Variants in CRISPLD1 observed in about 807,000 individuals in gnomAD.
CRISPLD1 encodes the protein cysteine-rich secretory protein LCCL domain-containing 1.
CRISPLD1 carries 60 observed loss-of-function variants against 77.5 expected under a neutral mutation model. That is an observed-to-expected ratio of 0.77 (90% CI 0.63 to 0.96). The LOEUF is 0.96. Ranked by LOEUF, CRISPLD1 falls within the 40% of genes least tolerant of loss-of-function variation. The pLI is 0.00. For synonymous variants in CRISPLD1, 195 were observed against 200.1 expected (o/e 0.97, Z 0.22); for missense variants, 623 against 615.8 (o/e 1.01, Z -0.12).
At chr8:74,990,613 T>TA in intron 2 of CRISPLD1, among the ~76,000 whole-genome samples, 1 of 151,854 alleles carries the variant, frequency 6.6e-6, no homozygotes, top group Middle Eastern at 3.4e-3. Context: ...CATTGGACCA[T>TA]TCCATGTACT....
rs528276870 is a variant in CRISPLD1, at chr8:74,996,417, A to G, written c.258+10172A>G. 3.3e-5 allele frequency among the ~76,000 whole-genome samples: 5 copies of G among 152,268 alleles called. No individual in the cohort carries two copies. In the East Asian group the frequency reaches 9.7e-4, roughly 29 times the overall value. On this transcript the variant is annotated intron_variant, in intron 2 of 14. Coordinates refer to ENST00000262207, the MANE Select transcript of CRISPLD1 (RefSeq NM_031461.6). ...TGCTGAGGAATGCATTAGTGTATAA[A>G]AAGTTTGAAAAGTTAATGAAAATAA...
chr8:75,018,446 A>G (rs2128786627), intron 10 of CRISPLD1, among the ~76,000 whole-genome samples: 1 of 152,066 alleles, frequency 6.6e-6, no homozygotes, highest in East Asian at 1.9e-4. Context: ...GCGTGCCACC[A>G]TGCCCAGCTA....
intron 6 of CRISPLD1, among the ~76,000 whole-genome samples, chr8:75,016,324 C>G (rs1047216929): frequency 2.6e-5 from 4 of 152,160 alleles, no homozygotes; most frequent in African/African-American, 9.6e-5. Context: ...TTAGAAGTGG[C>G]TTCATTGAAT....
At chr8:75,023,403 GAAACCCC>G (rs1813174449) in intron 12 of CRISPLD1, among the ~76,000 whole-genome samples, 1 of 152,172 alleles carries the variant, frequency 6.6e-6, no homozygotes, top group African/African-American at 2.4e-5. Context: ...TCTTCCTGCA[GAAACCCC>G]AAACAGCATC....
intron 2 of CRISPLD1, among the ~76,000 whole-genome samples, chr8:74,987,680 T>G (rs1812516647): frequency 1.3e-5 from 2 of 152,206 alleles, no homozygotes; most frequent in Non-Finnish European, 2.9e-5. Flanking sequence ...ATTCTATGAC[T>G]TCTTCATCTG....
At chr8:75,011,071 A>C (rs1812920738) in intron 2 of CRISPLD1, among the ~76,000 whole-genome samples, 2 of 146,312 alleles carry the variant, frequency 1.4e-5, no homozygotes, top group Admixed American at 1.3e-4. Flanking sequence ...CTTACCACCT[A>C]CTCCAGCCAT....
chr8:75,010,650 A>G (rs143335806), intron 2 of CRISPLD1, among the ~76,000 whole-genome samples: 8 of 151,882 alleles, frequency 5.3e-5, no homozygotes, highest in African/African-American at 1.9e-4. Flanking sequence ...TACTCCCAAA[A>G]ATATCTTCTC....
chr8:74,992,912 T>TG (rs1563607207), intron 2 of CRISPLD1, among the ~76,000 whole-genome samples: 2 of 150,690 alleles, frequency 1.3e-5, no homozygotes, highest in East Asian at 3.9e-4. Flanking sequence ...ATGGTTTTTT[T>TG]TTTTTTTTTT....
At chr8:75,022,561 C>G (rs1251169847) in intron 12 of CRISPLD1, among the ~76,000 whole-genome samples, 1 of 147,820 alleles carries the variant, frequency 6.8e-6, no homozygotes, top group Non-Finnish European at 1.5e-5. Context: ...GCACTCCAGC[C>G]TGGGCGAAAG....
chr8:75,010,167 A>C (rs919610378), intron 2 of CRISPLD1, among the ~76,000 whole-genome samples: 3 of 152,138 alleles, frequency 2.0e-5, no homozygotes, highest in African/African-American at 7.2e-5. Flanking sequence ...ACTAATGATG[A>C]TAATAAACTT....
chr8:75,031,721 A>C (rs1301594995), intron 14 of CRISPLD1, among the ~76,000 whole-genome samples: 1 of 152,054 alleles, frequency 6.6e-6, no homozygotes, highest in African/African-American at 2.4e-5. Context: ...AATGTAATTT[A>C]AATTTTGTCA....
chr8:75,016,544 T>A (rs766301626), intron 6 of CRISPLD1, 21 bp from the exon 7 acceptor site: 1 of 1,596,712 alleles, frequency 6.3e-7, no homozygotes, highest in African/African-American at 1.4e-5. Context: ...TAATATTTCC[T>A]AAATCTGCTT....
In CRISPLD1 at chr8:74,986,120, G is replaced by C; in HGVS notation, c.133G>C (p.Glu45Gln). Residue 45 changes from glutamate (E) to glutamine (Q), a missense_variant, in exon 2 of 15, where the codon GAG (glutamate) becomes CAG (glutamine). Coordinates refer to ENST00000262207, the MANE Select transcript of CRISPLD1 (RefSeq NM_031461.6). Reference protein sequence around the residue: ...LLEKYMDEDGEWWIAKQRGKR... With the variant: ...LLEKYMDEDGQWWIAKQRGKR... ...GGAAAAATACATGGATGAGGATGGTGAGTGGTGGATAGCCAAACAACGAGG... is the reference window on the plus strand; with the variant it reads ...GGAAAAATACATGGATGAGGATGGTCAGTGGTGGATAGCCAAACAACGAGG... 6.2e-7 allele frequency: 1 copy of C among 1,614,144 alleles called. No individual in the cohort carries two copies. The highest frequency in any genetic ancestry group is 8.5e-7 in the Non-Finnish European group (1 of 1,180,022).
rs1275943866 is a variant in CRISPLD1, at chr8:75,030,772, ATG to A, written c.1451+1262_1451+1263del. 4.5e-5 allele frequency among the ~76,000 whole-genome samples: 6 copies of A among 133,362 alleles called. No homozygotes were observed. In the East Asian group the frequency reaches 1.2e-3, roughly 26 times the overall value. 87.5% of individuals were successfully genotyped at this position (133,362 alleles called of 152,430 possible). On this transcript the variant is annotated intron_variant, in intron 14 of 14. Coordinates refer to ENST00000262207, the MANE Select transcript of CRISPLD1 (RefSeq NM_031461.6). Reference sequence around the variant, plus strand: ...TGTGTATATATGTGTGTATATGTATATGTGTGTGACTGTATATATGTGTGAGT... The same window carrying A: ...TGTGTATATATGTGTGTATATGTATATGTGTGACTGTATATATGTGTGAGT...
intron 1 of CRISPLD1, among the ~76,000 whole-genome samples, chr8:74,985,558 C>A (rs772701893): frequency 2.0e-5 from 3 of 152,148 alleles, no homozygotes; most frequent in Non-Finnish European, 4.4e-5. Context: ...TGAAATCAAA[C>A]GTTCTAGGTA....
chr8:75,027,218 G>A (rs912481280), intron 13 of CRISPLD1, among the ~76,000 whole-genome samples: 1 of 152,156 alleles, frequency 6.6e-6, no homozygotes, highest in Non-Finnish European at 1.5e-5. Flanking sequence ...CTAATTTGAT[G>A]TCTGCCAAGC....
At chr8:74,995,565 C>G (rs965718330) in intron 2 of CRISPLD1, among the ~76,000 whole-genome samples, 3 of 152,150 alleles carry the variant, frequency 2.0e-5, no homozygotes, top group African/African-American at 7.2e-5. Context: ...GCCTTGACCT[C>G]CAGGGCTCAA....
In CRISPLD1 at chr8:75,019,914, G is replaced by GT. The variant is rs778653034; in HGVS notation, c.1171+3dup. 6.2e-7 allele frequency: 1 copy of GT among 1,612,732 alleles called. No homozygotes were observed. Among genetic ancestry groups the GT allele is most frequent in the East Asian group, 2.2e-5 (1 of 44,856 alleles). On this transcript the variant is annotated splice_donor_variant, in intron 11 of 14. Transcript: ENST00000262207. LOFTEE classifies it high-confidence loss of function. Reference sequence around the variant, plus strand: ...TCCTTCACAGTCTCTAAAGTAACAGGTTAGCACATTCTTCATCTTATTTTC... The same window carrying GT: ...TCCTTCACAGTCTCTAAAGTAACAGGTTTAGCACATTCTTCATCTTATTTTC...
rs554066498 is a variant in CRISPLD1, at chr8:75,006,740, A to C, written c.259-5693A>C. 3.3e-5 allele frequency among the ~76,000 whole-genome samples: 5 copies of C among 152,158 alleles called. No individual in the cohort carries two copies. The East Asian group carries it at 9.7e-4, about 29-fold the overall frequency. On this transcript the variant is annotated intron_variant, in intron 2 of 14. Coordinates refer to ENST00000262207, the MANE Select transcript of CRISPLD1 (RefSeq NM_031461.6). The stretch of plus-strand genomic sequence containing the variant: ...GGAATCTAAAGAATTCTGTAAAACT[A>C]CTTAACAAATTCAGTGTCATCCTGG...
Sources: gnomAD v4.1 joint callset for allele counts (sites outside exome capture counted in the v4.1 genomes callset) on GRCh38, gnomAD v4.1.1 for gene constraint, MANE v1.5 for transcripts, NCBI Gene and HGNC (gene_info 2026-07-23, HGNC 2026-07-21) for gene names.